ACAT1: variants seen among roughly 807,000 people sequenced by gnomAD.
The protein encoded by ACAT1 is acetyl-CoA acetyltransferase, mitochondrial.
In ACAT1, 28 loss-of-function variants were observed where a neutral mutation model predicts 47.3. The observed-to-expected ratio is 0.59, with a 90% confidence interval of 0.44 to 0.81. ACAT1 has a LOEUF of 0.81. Ranked by LOEUF, ACAT1 falls within the 30% of genes least tolerant of loss-of-function variation. The pLI is 0.00. For synonymous variants in ACAT1, 181 were observed against 173.6 expected (o/e 1.04, Z -0.34); for missense variants, 469 against 524.3 (o/e 0.89, Z 1.03).
At chr11:108,137,721 C>T (rs959067709) in intron 5 of ACAT1, among the ~76,000 whole-genome samples, 3 of 152,020 alleles carry the variant, frequency 2.0e-5, no homozygotes, top group Admixed American at 6.6e-5. Flanking sequence ...GTGGGCGGAT[C>T]GCTTGAGTCT....
At chr11:108,133,745 A>C in intron 2 of ACAT1, 75 bp from the exon 3 acceptor site, 1 of 1,211,848 alleles carries the variant, frequency 8.3e-7, no homozygotes, top group South Asian at 1.3e-5. Flanking sequence ...TTTTTTGATA[A>C]TATATTTATG....
chr11:108,131,943 C>A lies in ACAT1; in HGVS notation c.109C>A (p.Pro37Thr). The change falls in exon 2 of 12, where the codon CCC becomes ACC. Residue 37 changes from proline to threonine, a missense_variant. By Grantham distance (38) the Pro-to-Thr change is conservative. Transcript: ENST00000265838. ...RYVERSYVSK[P>T]TLKEVVIVSA... ...TGTGGAACGGAGTTATGTATCAAAACCCACTTTGAAGGTAAGTAATTTAAA... is the reference window on the plus strand; with the variant it reads ...TGTGGAACGGAGTTATGTATCAAAAACCACTTTGAAGGTAAGTAATTTAAA... The A allele has an allele frequency of 6.6e-7, 1 of 1,506,260 alleles. No homozygotes were observed. Among genetic ancestry groups the A allele is most frequent in the Non-Finnish European group, 9.2e-7 (1 of 1,088,428 alleles). 93.3% of individuals were successfully genotyped at this position (1,506,260 alleles called of 1,614,324 possible).
chr11:108,131,793 A>T, intron 1 of ACAT1, 114 bp from the exon 2 acceptor site: 1 of 417,256 alleles, frequency 2.4e-6, no homozygotes, highest in Non-Finnish European at 4.2e-6. Context: ...AAAAACTTGG[A>T]AATAAAAGCA....
intron 1 of ACAT1, among the ~76,000 whole-genome samples, chr11:108,130,756 TTAATC>T (rs755486378): frequency 1.3e-5 from 2 of 150,268 alleles, no homozygotes; most frequent in Non-Finnish European, 3.0e-5. Context: ...AATTAATTAA[TTAATC>T]TATTTATTAT....
intron 1 of ACAT1, among the ~76,000 whole-genome samples, chr11:108,123,655 AT>A (rs1311448495): frequency 6.6e-6 from 1 of 152,190 alleles, no homozygotes; most frequent in Admixed American, 6.5e-5. Flanking sequence ...AAGCTGAAAA[AT>A]ACAGTGATTT....
At chr11:108,138,610 G>A (rs150208721) in intron 5 of ACAT1, 7,384 of 384,870 alleles carry the variant, frequency 0.019, 116 homozygotes, top group Middle Eastern at 0.062. Context: ...TTGGCCAGGC[G>A]GATCCAGAAC....
chr11:108,143,709 G>A (rs1165334773), intron 9 of ACAT1: 4 of 313,318 alleles, frequency 1.3e-5, no homozygotes, highest in African/African-American at 8.6e-5. Context: ...TTACCCAGTG[G>A]CATCTGAACT....
chr11:108,141,859 T>C (rs2077594392), intron 8 of ACAT1, among the ~76,000 whole-genome samples, 159 bp downstream of exon 8: 2 of 152,226 alleles, frequency 1.3e-5, no homozygotes, highest in Admixed American at 1.3e-4. Flanking sequence ...TGGTAGTTTA[T>C]ACCTTCAATA....
intron 1 of ACAT1, among the ~76,000 whole-genome samples, chr11:108,130,507 C>T (rs1257439688): frequency 6.6e-6 from 1 of 151,710 alleles, no homozygotes; most frequent in African/African-American, 2.4e-5. Flanking sequence ...GATTCTCCTG[C>T]CTCAGACTCC....
chr11:108,118,711 C>A (rs1378134556), upstream of ACAT1, among the ~76,000 whole-genome samples: 1 of 152,200 alleles, frequency 6.6e-6, no homozygotes, highest in African/African-American at 2.4e-5. Flanking sequence ...TACATTTTTG[C>A]CTGGTGCTCA....
At chr11:108,135,908 C>T (rs2077459525) in intron 5 of ACAT1, among the ~76,000 whole-genome samples, 1 of 152,028 alleles carries the variant, frequency 6.6e-6, no homozygotes, top group Non-Finnish European at 1.5e-5. Flanking sequence ...CTGTATTTGC[C>T]AGAATAAGAC....
chr11:108,134,014 T>G, intron 3 of ACAT1, 77 bp downstream of exon 3: 1 of 1,356,036 alleles, frequency 7.4e-7, no homozygotes, highest in South Asian at 1.2e-5. Flanking sequence ...GCATTAACTA[T>G]GTATGTAACA....
At chr11:108,134,878 G>C (rs2077436817) in intron 4 of ACAT1, among the ~76,000 whole-genome samples, 1 of 147,194 alleles carries the variant, frequency 6.8e-6, no homozygotes, top group Non-Finnish European at 1.5e-5. Flanking sequence ...CCAGGAGGTG[G>C]AGCTTGCAGT....
upstream of ACAT1, chr11:108,121,518 G>A: frequency 7.2e-7 from 1 of 1,398,186 alleles, no homozygotes; most frequent in Non-Finnish European, 9.9e-7. Context: ...CGGGATGGGC[G>A]GTGCCCGCGC....
upstream of ACAT1, among the ~76,000 whole-genome samples, chr11:108,118,030 C>T (rs936222953): frequency 6.7e-5 from 10 of 150,136 alleles, no homozygotes; most frequent in African/African-American, 2.5e-4. Context: ...TTTTGAGTAG[C>T]TCTTCATTAA....
At chr11:108,133,978 G>C (rs1426382484) in intron 3 of ACAT1, 41 bp downstream of exon 3, 1 of 1,527,002 alleles carries the variant, frequency 6.5e-7, no homozygotes, top group Non-Finnish European at 9.1e-7. Flanking sequence ...GGAGCAAAAA[G>C]ATTCCATGGA....
chr11:108,133,750 T>C, intron 2 of ACAT1, 70 bp from the exon 3 acceptor site: 1 of 1,251,482 alleles, frequency 8.0e-7, no homozygotes, highest in East Asian at 2.4e-5. Context: ...TGATAATATA[T>C]TTATGTTTAT....
chr11:108,143,945 AAG>A lies in ACAT1; in HGVS notation c.941-36_941-35del, dbSNP rs1555034864. 20 of 1,198,536 alleles carry A rather than the reference AAG, an allele frequency of 1.7e-5. No individual in the cohort carries two copies. The South Asian group carries it at 2.2e-4, about 13-fold the overall frequency. The allele number at this position is 1,198,536 out of a possible 1,614,324, so 74.2% of individuals were successfully genotyped here. A position where few individuals can be genotyped will look rare whatever the true frequency, so the allele number is the denominator to read the frequency against. ...GCATATTCTATACAGTAAAAAAAAA[AAG>A]ATTTTAACAACCCCCCCCCCCCTTT... On this transcript the variant is annotated intron_variant, in intron 9 of 11. Transcript: ENST00000265838.
At chr11:108,120,880 G>C (rs1222037442), upstream of ACAT1, among the ~76,000 whole-genome samples, 5 of 147,954 alleles carry the variant, frequency 3.4e-5, no homozygotes, top group South Asian at 9.1e-4. Flanking sequence ...GCAACATAGG[G>C]AGACCTAGTC....
Sources: gnomAD v4.1 joint callset for allele counts (sites outside exome capture counted in the v4.1 genomes callset) on GRCh38, gnomAD v4.1.1 for gene constraint, MANE v1.5 for transcripts, NCBI Gene and HGNC (gene_info 2026-07-23, HGNC 2026-07-21) for gene names.